Variants in PIK3C3 observed in about 807,000 individuals in gnomAD.
The protein encoded by PIK3C3 is PI3-kinase type 3.
PIK3C3 carries 95 observed loss-of-function variants against 126.1 expected under a neutral mutation model. That is an observed-to-expected ratio of 0.75 (90% CI 0.64 to 0.89). The LOEUF is 0.89. Among genes scored for constraint, PIK3C3 ranks in the 40% least tolerant of loss-of-function variants. PIK3C3 has a pLI of 0.00. For synonymous variants in PIK3C3, 374 were observed against 360.0 expected (o/e 1.04, Z -0.44); for missense variants, 829 against 1,063.2 (o/e 0.78, Z 3.06).
chr18:41,958,691 A>G (rs1979919925), intron 2 of PIK3C3, among the ~76,000 whole-genome samples: 1 of 152,068 alleles, frequency 6.6e-6, no homozygotes, highest in Admixed American at 6.5e-5. Flanking sequence ...GTATATATAT[A>G]TGTGTGTATA....
At position 42,083,525 on chromosome 18, in the gene PIK3C3, T is replaced by G. The variant is rs1380544900; in HGVS notation, c.*2388T>G. On this transcript the variant is annotated 3_prime_UTR_variant, in exon 25 of 25. Transcript: ENST00000262039. Reference sequence around the variant, plus strand: ...CAAATAAAGGGTCATACAGCCTTGCTTTTTGCTGGAGTTAGCAAAAATCAT... The same window carrying G: ...CAAATAAAGGGTCATACAGCCTTGCGTTTTGCTGGAGTTAGCAAAAATCAT... 1 of 152,170 alleles carries G rather than the reference T, an allele frequency of 6.6e-6. No homozygotes were observed. The highest frequency in any genetic ancestry group is 1.5e-5 in the Non-Finnish European group (1 of 68,030). 9.4% of individuals were successfully genotyped at this position (152,170 alleles called of 1,614,324 possible).
Position 42,027,482 on chromosome 18 carries a change from G to A in PIK3C3, c.1524G>A (p.Gln508=). The A allele has an allele frequency of 1.9e-6, 3 of 1,611,164 alleles. No homozygotes were observed. Among genetic ancestry groups the A allele is most frequent in the Non-Finnish European group, 2.5e-6 (3 of 1,177,666 alleles). ...IVECEDQDTQ[Q]RDPKTHEMYL... ...AATGTGAAGATCAAGATACTCAGCA[G>A]AGAGATCCAAAGACCCATGAGATGT... The change falls in exon 14 of 25, where the codon CAG becomes CAA. Residue 508 remains glutamine, a synonymous_variant. Transcript: ENST00000262039.
intron 4 of PIK3C3, 165 bp downstream of exon 4, chr18:41,970,621 G>A: frequency 1.5e-6 from 1 of 686,684 alleles, no homozygotes; most frequent in Admixed American, 2.2e-5. Context: ...GTTCACCCTT[G>A]GAAAGCATAC....
Position 42,063,011 on chromosome 18 carries a change from T to C in PIK3C3, c.2433-1729T>C, listed in dbSNP as rs183789880. 2.0e-4 allele frequency among the ~76,000 whole-genome samples: 31 copies of C among 152,284 alleles called. No individual in the cohort carries two copies. In the East Asian group the frequency reaches 5.0e-3, roughly 25 times the overall value. On this transcript the variant is annotated intron_variant, in intron 22 of 24. Transcript: ENST00000262039. ...CCTGTCCACCTGGAAGTCTATGATA[T>C]AGTTTCTCTACTTTGATTCTTACTC...
At chr18:42,039,118 T>TAC (rs1025980288) in intron 18 of PIK3C3, among the ~76,000 whole-genome samples, 1 of 151,972 alleles carries the variant, frequency 6.6e-6, no homozygotes, top group Non-Finnish European at 1.5e-5. Context: ...CACATACACA[T>TAC]ACACACACAC....
intron 12 of PIK3C3, 132 bp downstream of exon 12, chr18:42,015,698 T>C: frequency 1.5e-6 from 1 of 661,740 alleles, no homozygotes; most frequent in Admixed American, 2.6e-5. Flanking sequence ...TACTTTATGA[T>C]GCACGTTTAT....
At position 42,085,494 on chromosome 18, in the gene PIK3C3, G is replaced by A. The variant is rs1442298177; in HGVS notation, c.*4357G>A. ...ATTTCATACAGAAAAAGCTAATACT[G>A]ATATCACACACTAATTGTGTATAAA... is the stretch of plus-strand genomic sequence containing the variant. On this transcript the variant is annotated 3_prime_UTR_variant, in exon 25 of 25. Coordinates refer to ENST00000262039, the MANE Select transcript of PIK3C3 (RefSeq NM_002647.4). 1 of 152,050 alleles carries A rather than the reference G, an allele frequency of 6.6e-6. No individual in the cohort carries two copies. The highest frequency in any genetic ancestry group is 1.5e-5 in the Non-Finnish European group (1 of 68,006). The allele number at this position is 152,050 out of a possible 1,614,324, so 9.4% of individuals were successfully genotyped here. A position where few individuals can be genotyped will look rare whatever the true frequency, so the allele number is the denominator to read the frequency against.
intron 4 of PIK3C3, among the ~76,000 whole-genome samples, chr18:41,975,698 G>GTT (rs35430380): frequency 2.2e-4 from 29 of 134,684 alleles, no homozygotes; most frequent in Non-Finnish European, 3.0e-4. Context: ...AAAACGGACT[G>GTT]TTTTTTTTTT....
chr18:42,076,197 CAT>C (rs71174078), intron 24 of PIK3C3, among the ~76,000 whole-genome samples: 6 of 119,322 alleles, frequency 5.0e-5, no homozygotes, highest in Non-Finnish European at 4.9e-5. Flanking sequence ...TATATGCACA[CAT>C]ATATATATGC....
At chr18:42,010,996 A>G (rs977772276) in intron 10 of PIK3C3, among the ~76,000 whole-genome samples, 1 of 152,238 alleles carries the variant, frequency 6.6e-6, no homozygotes, top group African/African-American at 2.4e-5. Flanking sequence ...GATCAGGTAC[A>G]TTGTCTATGA....
intron 21 of PIK3C3, among the ~76,000 whole-genome samples, chr18:42,057,247 A>G (rs766961236): frequency 7.9e-5 from 12 of 150,986 alleles, no homozygotes; most frequent in African/African-American, 2.4e-4. Flanking sequence ...TTTACATACT[A>G]TACAATGAAA....
intron 12 of PIK3C3, among the ~76,000 whole-genome samples, chr18:42,017,726 T>C (rs543395186): frequency 6.6e-6 from 1 of 152,200 alleles, no homozygotes; most frequent in Non-Finnish European, 1.5e-5. Context: ...TAATAGAGCT[T>C]TGTCTTGATT....
chr18:41,985,885 A>G (rs1198130045), intron 4 of PIK3C3, among the ~76,000 whole-genome samples: 1 of 152,122 alleles, frequency 6.6e-6, no homozygotes, highest in African/African-American at 2.4e-5. Context: ...AACATTTCTA[A>G]TTTGTCTGGA....
intron 22 of PIK3C3, among the ~76,000 whole-genome samples, chr18:42,062,304 C>A (rs1006597217): frequency 6.6e-6 from 1 of 151,490 alleles, no homozygotes; most frequent in Non-Finnish European, 1.5e-5. Flanking sequence ...TTCCTTGAAG[C>A]CCTCTCAAGT....
At chr18:41,974,189 G>C (rs1429505237) in intron 4 of PIK3C3, among the ~76,000 whole-genome samples, 2 of 152,022 alleles carry the variant, frequency 1.3e-5, no homozygotes, top group African/African-American at 4.8e-5. Context: ...GTGAAAAGAC[G>C]GTGTTAGATA....
chr18:41,970,038 G>A (rs943073739), intron 3 of PIK3C3, among the ~76,000 whole-genome samples: 9 of 152,194 alleles, frequency 5.9e-5, no homozygotes, highest in Non-Finnish European at 1.3e-4. Context: ...TCACCAAAGT[G>A]ATGAAATGTG....
chr18:41,991,619 ATATG>A (rs1225771865), intron 6 of PIK3C3, among the ~76,000 whole-genome samples: 1 of 152,192 alleles, frequency 6.6e-6, no homozygotes, highest in East Asian at 1.9e-4. Flanking sequence ...GATTTTTAAA[ATATG>A]TATACTTTTA....
At chr18:42,034,927 G>GCA (rs1240788557) in intron 16 of PIK3C3, among the ~76,000 whole-genome samples, 4 of 152,192 alleles carry the variant, frequency 2.6e-5, no homozygotes, top group Admixed American at 2.6e-4. Context: ...GTCATGGGTT[G>GCA]CAGCCCAGCT....
At chr18:41,986,537 A>G (rs1425723207) in intron 4 of PIK3C3, among the ~76,000 whole-genome samples, 1 of 152,080 alleles carries the variant, frequency 6.6e-6, no homozygotes, top group Non-Finnish European at 1.5e-5. Flanking sequence ...TTCAGAAAGG[A>G]CATAGTTTGA....
Sources: allele counts gnomAD v4.1 joint callset (sites outside exome capture counted in the v4.1 genomes callset), GRCh38; gene constraint gnomAD v4.1.1; transcripts MANE v1.5; gene names NCBI Gene and HGNC (gene_info 2026-07-23, HGNC 2026-07-21).